The following ANKLE2 variants were observed in gnomAD, a reference collection of about 807,000 sequenced individuals.
ANKLE2 encodes the protein ankyrin repeat and LEM domain-containing protein 2.
In ANKLE2, 55 loss-of-function variants were observed where a neutral mutation model predicts 84.2. The observed-to-expected ratio is 0.65, with a 90% CI of 0.53 to 0.82. The LOEUF (loss-of-function observed/expected upper bound fraction) is 0.82. ANKLE2 is among the 40% of genes least tolerant of loss of function. The pLI is 0.00. For missense variants in ANKLE2, 1,238 were observed against 1,201.9 expected (o/e 1.03, Z -0.44); for synonymous variants, 551 against 486.1 (o/e 1.13, Z -1.76).
At position 132,734,345 on chromosome 12, in the gene ANKLE2, G is replaced by T. The variant is rs755322759; in HGVS notation, c.1891+40C>A. On this transcript the variant is annotated intron_variant, in intron 10 of 12. Coordinates refer to ENST00000357997, the MANE Select transcript of ANKLE2 (RefSeq NM_015114.3). ...TCCCGTCAGACCCCGGCCATGGGGG[G>T]CCCCTCCCAGCTGCCACAGCCACGC... The T allele has an allele frequency of 5.0e-6, 8 of 1,602,414 alleles. No homozygotes were observed. The African/African-American group carries it at 6.7e-5, about 14-fold the overall frequency.
chr12:132,735,727 C>T (rs1470822977), intron 8 of ANKLE2, among the ~76,000 whole-genome samples: 2 of 152,044 alleles, frequency 1.3e-5, no homozygotes, highest in African/African-American at 4.8e-5. Context: ...AGGCGGTCTC[C>T]TTTCTTGCAG....
At chr12:132,741,627 AAAAC>A in intron 6 of ANKLE2, 142 bp from the exon 7 acceptor site, 3 of 804,266 alleles carry the variant, frequency 3.7e-6, no homozygotes, top group Non-Finnish European at 6.1e-6. Flanking sequence ...TCACACTCAG[AAAAC>A]GTGTGAAGAG....
chr12:132,734,543 A>G lies in ANKLE2; in HGVS notation c.1733T>C (p.Val578Ala), dbSNP rs775756458. 2 of 1,613,472 alleles carry G rather than the reference A, an allele frequency of 1.2e-6. No homozygotes were observed. Among genetic ancestry groups the G allele is most frequent in the East Asian group, 2.2e-5 (1 of 44,886 alleles). ...ELAHELGYPW[V>A]EYWEFLGCFV... ...ACAGCCCAGAAATTCCCAGTATTCA[A>G]CCCAGGGATACCCCAGCTCATGAGC... is the stretch of plus-strand genomic sequence containing the variant. The change falls in exon 10 of 13, where the codon GTT becomes GCT. Residue 578 changes from valine to alanine, a missense_variant. Around this residue, in one of 3 missense-constraint regions of ANKLE2, gnomAD observed 802 missense variants for 774.5 expected, o/e 1.04. Coordinates refer to ENST00000357997, the MANE Select transcript of ANKLE2 (RefSeq NM_015114.3).
chr12:132,742,336 T>C (rs990812469), intron 6 of ANKLE2: 2 of 156,270 alleles, frequency 1.3e-5, no homozygotes, highest in African/African-American at 4.8e-5. Context: ...AGTGGATGTA[T>C]AGCTTATGTA....
At chr12:132,732,352 C>T (rs11147029) in intron 10 of ANKLE2, 1 of 47,746 alleles carries the variant, frequency 2.1e-5, no homozygotes, top group Non-Finnish European at 4.2e-5. Flanking sequence ...CTCTCTGCGT[C>T]CTGGTGTCTG....
At chr12:132,736,314 T>C (rs2044007868) in intron 8 of ANKLE2, among the ~76,000 whole-genome samples, 2 of 152,192 alleles carry the variant, frequency 1.3e-5, no homozygotes, top group South Asian at 4.1e-4. Flanking sequence ...TGCAGGTCAG[T>C]GTGTGAAGTA....
At position 132,748,250 on chromosome 12, in the gene ANKLE2, G is replaced by A; in HGVS notation, c.929C>T (p.Thr310Ile). 4 of 1,614,170 alleles carry A rather than the reference G, an allele frequency of 2.5e-6. No homozygotes were observed. The highest frequency in any genetic ancestry group is 3.4e-6 in the Non-Finnish European group (4 of 1,180,040). Residue 310 changes from threonine (T) to isoleucine (I), a missense_variant, in exon 4 of 13, where the codon ACC (threonine) becomes ATC (isoleucine). Physicochemically the swap from Thr to Ile is moderately conservative, Grantham distance 89. This residue lies in a region of ANKLE2 where 422 missense variants were observed against 394.5 expected (regional missense o/e 1.07). Transcript: ENST00000357997. ...CTCCACAGCTTTCCGAAGCTTGGCG[G>A]TGAGGTCCTGCGTGCGGGGATTTTT... ...SYKNPRTQDL[T>I]AKLRKAVEKG...
intron 8 of ANKLE2, 66 bp from the exon 9 acceptor site, chr12:132,735,578 A>C: frequency 2.3e-6 from 3 of 1,328,440 alleles, no homozygotes; most frequent in Non-Finnish European, 3.2e-6. Flanking sequence ...GGAAACCTGA[A>C]GAGCCGTCGT....
chr12:132,741,936 A>C, intron 6 of ANKLE2: 1 of 431,490 alleles, frequency 2.3e-6, no homozygotes, highest in Non-Finnish European at 4.6e-6. Flanking sequence ...CCACTAAAGA[A>C]ATCAACTTTC....
intron 3 of ANKLE2, among the ~76,000 whole-genome samples, chr12:132,749,520 T>C (rs531839095): frequency 1.1e-4 from 17 of 152,332 alleles, no homozygotes; most frequent in African/African-American, 3.8e-4. Flanking sequence ...AGGAAATCCG[T>C]ACCTGTTAGA....
At chr12:132,736,180 G>A (rs2044005112) in intron 8 of ANKLE2, among the ~76,000 whole-genome samples, 1 of 152,212 alleles carries the variant, frequency 6.6e-6, no homozygotes. Context: ...TCGATCTCCT[G>A]ACCTCGTGAT....
At chr12:132,750,514 G>A (rs1204549448) in intron 3 of ANKLE2, 129 bp downstream of exon 3, 2 of 906,474 alleles carry the variant, frequency 2.2e-6, no homozygotes, top group Non-Finnish European at 3.4e-6. Context: ...TGGCCTCCTG[G>A]TCCACTGAGA....
At chr12:132,742,738 C>T (rs370396940) in intron 6 of ANKLE2, among the ~76,000 whole-genome samples, 4 of 123,808 alleles carry the variant, frequency 3.2e-5, no homozygotes, top group Non-Finnish European at 5.3e-5. Flanking sequence ...GCCAACACCA[C>T]CATGATCATT....
chr12:132,749,587 G>T (rs77727703), intron 3 of ANKLE2, among the ~76,000 whole-genome samples: 184 of 152,378 alleles, frequency 1.2e-3, no homozygotes, highest in African/African-American at 4.2e-3. Flanking sequence ...AGGGCAGGCG[G>T]ATGACTGGAA....
In ANKLE2 at chr12:132,759,165, G is replaced by A. The variant is rs371998868; in HGVS notation, c.181+2453C>T. On this transcript the variant is annotated intron_variant, in intron 1 of 12. Transcript: ENST00000357997. ...CCCACGTGGCAGAGAGGATCGCTGC[G>A]GAGTGGCACCCCGGGGCACCCACGT... 7.3e-4 allele frequency: 20 copies of A among 27,290 alleles called. 1 individual carries two copies. In the East Asian group the frequency reaches 0.012, roughly 17 times the overall value. The allele number at this position is 27,290 out of a possible 1,614,324, so 1.7% of individuals were successfully genotyped here. A position where few individuals can be genotyped will look rare whatever the true frequency, so the allele number is the denominator to read the frequency against.
Position 132,748,263 on chromosome 12 carries a change from T to A in ANKLE2, c.916A>T (p.Thr306Ser), listed in dbSNP as rs770106915. 1 of 1,614,198 alleles carries A rather than the reference T, an allele frequency of 6.2e-7. No individual in the cohort carries two copies. The highest frequency in any genetic ancestry group is 1.7e-5 in the Admixed American group (1 of 60,018). Residue 306 changes from threonine (T) to serine (S), a missense_variant, in exon 4 of 13, where the codon ACG (threonine) becomes TCG (serine). Thr to Ser is a moderately conservative substitution (Grantham distance 58). Coordinates refer to ENST00000357997, the MANE Select transcript of ANKLE2 (RefSeq NM_015114.3). ...ERANSYKNPR[T>S]QDLTAKLRKA... Reference sequence around the variant, plus strand: ...CGAAGCTTGGCGGTGAGGTCCTGCGTGCGGGGATTTTTGTAACTGTTCGCT... The same window carrying A: ...CGAAGCTTGGCGGTGAGGTCCTGCGAGCGGGGATTTTTGTAACTGTTCGCT...
intron 7 of ANKLE2, 94 bp downstream of exon 7, chr12:132,741,325 A>G: frequency 2.4e-6 from 3 of 1,248,618 alleles, no homozygotes; most frequent in Non-Finnish European, 3.5e-6. Context: ...ACGCCCGGGG[A>G]GCTCAGGAAA....
intron 1 of ANKLE2, chr12:132,755,567 C>CT (rs943793454): frequency 2.7e-4 from 40 of 147,388 alleles, no homozygotes; most frequent in African/African-American, 5.1e-4. Context: ...AAGAATTTTT[C>CT]TTTTTTTTTT....
At chr12:132,759,863 A>T (rs141108788) in intron 1 of ANKLE2, 2 of 150,738 alleles carry the variant, frequency 1.3e-5, no homozygotes, top group East Asian at 3.9e-4. Context: ...GCCCGGTGCG[A>T]TGGCTCACAC....
Sources: allele counts gnomAD v4.1 joint callset (sites outside exome capture counted in the v4.1 genomes callset), GRCh38; gene constraint gnomAD v4.1.1; regional missense constraint gnomAD v4.1.1; transcripts MANE v1.5; gene names NCBI Gene and HGNC (gene_info 2026-07-23, HGNC 2026-07-21).